TANGO6: variants seen among roughly 807,000 people sequenced by gnomAD.
TANGO6 encodes transport and golgi organization 6 homolog, also known as transport and Golgi organization protein 6 homolog.
Under a neutral mutation model 114.2 loss-of-function variants are expected in TANGO6, and 90 were observed. That is an observed-to-expected ratio of 0.79 (90% CI 0.66 to 0.94). The LOEUF (loss-of-function observed/expected upper bound fraction) is 0.94, where lower values mean the gene tolerates loss of function less well. Among genes scored for constraint, TANGO6 ranks in the 40% least tolerant of loss-of-function variants. TANGO6 has a pLI of 0.00. For missense variants in TANGO6, 1,274 were observed against 1,315.3 expected, an observed-to-expected ratio of 0.97 and a Z score of 0.49; for synonymous variants, 477 against 509.8, an observed-to-expected ratio of 0.94 and a Z score of 0.87.
chr16:68,973,485 G>C (rs867131738), intron 14 of TANGO6, among the ~76,000 whole-genome samples: 1 of 152,136 alleles, frequency 6.6e-6, no homozygotes, highest in African/African-American at 2.4e-5. Flanking sequence ...TGAGTATGGG[G>C]CTGGGCTCAG....
intron 1 of TANGO6, among the ~76,000 whole-genome samples, chr16:68,849,557 G>T (rs1386105487): frequency 1.3e-5 from 2 of 151,998 alleles, no homozygotes; most frequent in African/African-American, 4.8e-5. Context: ...ATGCTTTGGA[G>T]GCTAAGATAG....
chr16:68,985,063 G>T (rs893982780), intron 15 of TANGO6, among the ~76,000 whole-genome samples: 1 of 151,170 alleles, frequency 6.6e-6, no homozygotes, highest in African/African-American at 2.4e-5. Context: ...AATAGAAATG[G>T]TGTGTCACTA....
At chr16:68,909,172 G>A in intron 10 of TANGO6, 39 bp from the exon 11 acceptor site, 1 of 1,422,208 alleles carries the variant, frequency 7.0e-7, no homozygotes, top group Non-Finnish European at 9.3e-7. Context: ...TAGTTGTACT[G>A]GCTTTATCTT....
intron 17 of TANGO6, among the ~76,000 whole-genome samples, chr16:69,053,428 T>TA (rs1415371675): frequency 6.6e-6 from 1 of 152,194 alleles, no homozygotes; most frequent in African/African-American, 2.4e-5. Flanking sequence ...TTACATCTGT[T>TA]ACTTTTCTAT....
In TANGO6 at chr16:69,029,649, G is replaced by A. The variant is rs151092570; in HGVS notation, c.2994+6670G>A. On this transcript the variant is annotated intron_variant, in intron 16 of 17. Transcript: ENST00000261778. ...ACTGATCAGGATTATAGTCTTAGGCGGTGGGGCCGTTGCAGTGCTAAACAG... is the reference window on the plus strand; with the variant it reads ...ACTGATCAGGATTATAGTCTTAGGCAGTGGGGCCGTTGCAGTGCTAAACAG... Among the ~76,000 whole-genome samples, 714 of 152,226 alleles carry A rather than the reference G, an allele frequency of 4.7e-3. 6 individuals carry two copies. Among genetic ancestry groups the A allele is most frequent in the African/African-American group, 0.016 (676 of 41,536 alleles).
rs1250601707 is a variant in TANGO6 at position 68,875,163 on chromosome 16, C to G, written c.1004C>G (p.Ala335Gly). 6.2e-7 allele frequency: 1 copy of G among 1,610,702 alleles called. No individual in the cohort carries two copies. The highest frequency in any genetic ancestry group is 1.7e-5 in the Admixed American group (1 of 59,964). Residue 335 changes from alanine (A) to glycine (G), a missense_variant, in exon 5 of 18, where the codon GCT becomes GGT. Physicochemically the swap from Ala to Gly is moderately conservative, Grantham distance 60 (BLOSUM62 0). Around this residue, in one of 5 missense-constraint regions of TANGO6, gnomAD observed 908 missense variants for 910.2 expected, o/e 1.00. Transcript: ENST00000261778. Reference protein sequence around the residue: ...GILEGAGAGAAGGSDAEVTAA... With the variant: ...GILEGAGAGAGGGSDAEVTAA... ...CTCTCCATTGTGCCAGCGGGAGCAG[C>G]TGGTGGAAGTGATGCTGAGGTGACG...
At chr16:68,932,193 C>G (rs1239074028) in intron 14 of TANGO6, among the ~76,000 whole-genome samples, 2 of 152,072 alleles carry the variant, frequency 1.3e-5, no homozygotes, top group African/African-American at 4.8e-5. Flanking sequence ...CGGGTTCAAG[C>G]GATTCTCCTG....
At chr16:69,024,920 G>A (rs1231273510) in intron 16 of TANGO6, among the ~76,000 whole-genome samples, 2 of 152,086 alleles carry the variant, frequency 1.3e-5, no homozygotes, top group African/African-American at 4.8e-5. Flanking sequence ...CGATTCTCCC[G>A]CATTAGCCTC....
chr16:69,022,871 C>A lies in TANGO6; in HGVS notation c.2886C>A (p.Phe962Leu), dbSNP rs1053048009. The A allele has an allele frequency of 1.9e-6, 3 of 1,593,202 alleles. No homozygotes were observed. The highest frequency in any genetic ancestry group is 2.6e-6 in the Non-Finnish European group (3 of 1,169,332). Reference sequence around the variant, plus strand: ...ACCGAGAACCTTTGATCCATACCTTCCTGAGGGGAGTGAGAGATCCTGATG... The same window carrying A: ...ACCGAGAACCTTTGATCCATACCTTACTGAGGGGAGTGAGAGATCCTGATG... ...SKYREPLIHT[F>L]LRGVRDPDGA... Residue 962 changes from phenylalanine to leucine, a missense_variant, in exon 16 of 18, where the codon TTC becomes TTA. By Grantham distance (22) the Phe-to-Leu change is conservative. Coordinates refer to ENST00000261778, the MANE Select transcript of TANGO6 (RefSeq NM_024562.2).
Position 68,884,820 on chromosome 16 carries a change from A to C in TANGO6, c.1377+4190A>C, listed in dbSNP as rs9673222. On this transcript the variant is annotated intron_variant, in intron 7 of 17. Transcript: ENST00000261778. ...GCCATTTCTCCTATTCTTGGTCCCC[A>C]AAAAAGAGGGAGGAAACCTTTATAG... is the stretch of plus-strand genomic sequence containing the variant. Among the ~76,000 whole-genome samples, 404 of 152,330 alleles carry C rather than the reference A, an allele frequency of 2.7e-3. 2 individuals are homozygous for C. Among genetic ancestry groups the C allele is most frequent in the African/African-American group, 9.5e-3 (394 of 41,588 alleles).
chr16:68,990,958 G>A (rs1480835347), intron 15 of TANGO6, among the ~76,000 whole-genome samples: 1 of 152,164 alleles, frequency 6.6e-6, no homozygotes, highest in Non-Finnish European at 1.5e-5. Flanking sequence ...AGACCTATTA[G>A]GATGTTGTTG....
chr16:69,054,889 C>A (rs901738111), intron 17 of TANGO6, among the ~76,000 whole-genome samples: 1 of 142,196 alleles, frequency 7.0e-6, no homozygotes, highest in African/African-American at 2.6e-5. Flanking sequence ...TGCAGTGAGC[C>A]GAGATCAAGC....
At chr16:68,892,290 C>G (rs189751586) in intron 7 of TANGO6, among the ~76,000 whole-genome samples, 11 of 152,312 alleles carry the variant, frequency 7.2e-5, no homozygotes, top group African/African-American at 2.6e-4. Context: ...GGCTTAACCA[C>G]AGACGCCTCA....
intron 7 of TANGO6, among the ~76,000 whole-genome samples, chr16:68,884,740 T>C (rs1962516184): frequency 6.6e-6 from 1 of 152,136 alleles, no homozygotes; most frequent in Non-Finnish European, 1.5e-5. Context: ...AATTTCTTTC[T>C]AGCAAGGGAG....
intron 4 of TANGO6, among the ~76,000 whole-genome samples, chr16:68,869,759 G>A (rs1962238606): frequency 6.6e-6 from 1 of 152,164 alleles, no homozygotes; most frequent in Admixed American, 6.5e-5. Flanking sequence ...TTTAAACTGA[G>A]CCCTGAAGGC....
At chr16:69,051,478 A>G (rs1959947150) in intron 17 of TANGO6, among the ~76,000 whole-genome samples, 1 of 152,128 alleles carries the variant, frequency 6.6e-6, no homozygotes, top group African/African-American at 2.4e-5. Context: ...GAGTTTGACA[A>G]CACGGTGAAA....
rs1430860982 is a variant in TANGO6 at position 69,083,470 on chromosome 16, G to C, written c.3109-15G>C. On this transcript the variant is annotated splice_polypyrimidine_tract_variant and intron_variant, in intron 17 of 17. Coordinates refer to ENST00000261778, the MANE Select transcript of TANGO6 (RefSeq NM_024562.2). Reference sequence around the variant, plus strand: ...GCACAGTAGACAGGCGGTCATGGCTGTCTCTCTCATGCAGGTGCTGAGCGC... The same window carrying C: ...GCACAGTAGACAGGCGGTCATGGCTCTCTCTCTCATGCAGGTGCTGAGCGC... 5 of 1,599,960 alleles carry C rather than the reference G, an allele frequency of 3.1e-6. No homozygotes were observed. Among genetic ancestry groups the C allele is most frequent in the Non-Finnish European group, 4.3e-6 (5 of 1,172,120 alleles).
intron 16 of TANGO6, among the ~76,000 whole-genome samples, chr16:69,038,536 G>A (rs1959726068): frequency 2.0e-5 from 3 of 151,874 alleles, no homozygotes; most frequent in South Asian, 4.2e-4. Flanking sequence ...TCTTTTTAAA[G>A]CTTACATGAA....
intron 14 of TANGO6, among the ~76,000 whole-genome samples, chr16:68,953,139 A>G (rs1963490320): frequency 6.6e-6 from 1 of 151,300 alleles, no homozygotes; most frequent in Non-Finnish European, 1.5e-5. Context: ...GCTGGAGTGC[A>G]GTGGCACAAT....
Sources: allele counts gnomAD v4.1 joint callset (sites outside exome capture counted in the v4.1 genomes callset), GRCh38; gene constraint gnomAD v4.1.1; regional missense constraint gnomAD v4.1.1; transcripts MANE v1.5; gene names NCBI Gene and HGNC (gene_info 2026-07-23, HGNC 2026-07-21).